The following MGAT4D variants were observed in gnomAD, a reference collection of about 807,000 sequenced individuals.
MGAT4D encodes alpha-1,3-mannosyl-glycoprotein 4-beta-N-acetylglucosaminyltransferase-like protein MGAT4D.
A neutral mutation model predicts 15.9 loss-of-function variants in MGAT4D; 34 were observed. That is an observed-to-expected ratio of 2.14 (90% CI 1.62 to 2.84). MGAT4D has a LOEUF of 2.84. Ranked by LOEUF, MGAT4D falls within the 30% of genes most tolerant of loss-of-function variation. The pLI is 0.00. For missense variants in MGAT4D, 327 were observed against 140.2 expected (o/e 2.33, Z -6.73); for synonymous variants, 112 against 48.2 (o/e 2.33, Z -5.49).
chr4:140,497,049 T>TTTGAATG (rs1733882953), intron 1 of MGAT4D, among the ~76,000 whole-genome samples: 1 of 152,148 alleles, frequency 6.6e-6, no homozygotes, highest in Non-Finnish European at 1.5e-5. Flanking sequence ...GCATTCCTAA[T>TTTGAATG]CTTTGAAACA....
At chr4:140,480,300 T>C (rs1202568173) in intron 2 of MGAT4D, among the ~76,000 whole-genome samples, 1 of 152,170 alleles carries the variant, frequency 6.6e-6, no homozygotes, top group Admixed American at 6.5e-5. Flanking sequence ...AAACTGAACA[T>C]TGACTTGTTT....
chr4:140,450,712 C>T (rs1042615514), intron 10 of MGAT4D, among the ~76,000 whole-genome samples: 1 of 152,162 alleles, frequency 6.6e-6, no homozygotes, highest in South Asian at 2.1e-4. Flanking sequence ...AGTGTAAAGA[C>T]ACTAAGGGTA....
rs772993140 is a variant in MGAT4D, at chr4:140,456,647, A to C, written c.950T>G (p.Ile317Arg). The C allele has an allele frequency of 1.4e-6, 1 of 699,298 alleles. No homozygotes were observed. The highest frequency in any genetic ancestry group is 1.5e-5 in the South Asian group (1 of 66,910). 43.3% of individuals were successfully genotyped at this position (699,298 alleles called of 1,614,324 possible). Residue 317 changes from isoleucine to arginine, a missense_variant, in exon 9 of 11, where the codon ATA becomes AGA. Physicochemically the swap from Ile to Arg is moderately conservative, Grantham distance 97 (BLOSUM62 -3). Transcript: ENST00000511113. Reference sequence around the variant, plus strand: ...AAAAATGTCATTCAAGAGCCAGTCTATGGGTTTCTCTTTGTAGAACATTAA... The same window carrying C: ...AAAAATGTCATTCAAGAGCCAGTCTCTGGGTTTCTCTTTGTAGAACATTAA... ...FFLMFYKEKP[I>R]DWLLNDIFQV... is the part of the protein sequence containing the mutation.
chr4:140,497,455 G>C (rs974844442), intron 1 of MGAT4D, among the ~76,000 whole-genome samples: 3 of 152,152 alleles, frequency 2.0e-5, no homozygotes, highest in Admixed American at 2.0e-4. Flanking sequence ...TTGTTTATCT[G>C]AAATTGAAAT....
At chr4:140,445,959 T>C (rs1382762880) in intron 10 of MGAT4D, among the ~76,000 whole-genome samples, 1 of 152,196 alleles carries the variant, frequency 6.6e-6, no homozygotes, top group South Asian at 2.1e-4. Flanking sequence ...GTTTATGAGA[T>C]GAATCACATT....
intron 7 of MGAT4D, among the ~76,000 whole-genome samples, chr4:140,461,156 G>A (rs1462637729): frequency 6.6e-6 from 1 of 152,220 alleles, no homozygotes; most frequent in East Asian, 1.9e-4. Flanking sequence ...GGCACACTAT[G>A]AGGACACAGA....
intron 1 of MGAT4D, among the ~76,000 whole-genome samples, chr4:140,495,339 C>T (rs1225378136): frequency 6.6e-6 from 1 of 152,230 alleles, no homozygotes; most frequent in African/African-American, 2.4e-5. Context: ...ACCCTGCCAA[C>T]ACCTGATATC....
chr4:140,484,913 G>A (rs1025839033), intron 1 of MGAT4D, among the ~76,000 whole-genome samples: 2 of 152,226 alleles, frequency 1.3e-5, no homozygotes, highest in Admixed American at 6.5e-5. Context: ...CAGTGCTGGA[G>A]AGGATGTGGA....
chr4:140,451,562 G>A, intron 9 of MGAT4D, 45 bp from the exon 10 acceptor site: 1 of 490,230 alleles, frequency 2.0e-6, no homozygotes, highest in Non-Finnish European at 3.7e-6. Flanking sequence ...CCCAGGTATT[G>A]CTTTGTATTG....
intron 7 of MGAT4D, among the ~76,000 whole-genome samples, chr4:140,460,680 A>C (rs1731116206): frequency 6.6e-6 from 1 of 152,182 alleles, no homozygotes; most frequent in Non-Finnish European, 1.5e-5. Flanking sequence ...TATAAAAACT[A>C]CAAAAAATTA....
At chr4:140,477,001 A>G (rs1160643370) in intron 3 of MGAT4D, among the ~76,000 whole-genome samples, 2 of 152,204 alleles carry the variant, frequency 1.3e-5, no homozygotes, top group Non-Finnish European at 2.9e-5. Flanking sequence ...TTGAAATTGA[A>G]TAAATAATAA....
chr4:140,497,922 G>T (rs1010040782), intron 1 of MGAT4D, among the ~76,000 whole-genome samples: 1 of 152,174 alleles, frequency 6.6e-6, no homozygotes, highest in Non-Finnish European at 1.5e-5. Flanking sequence ...GGAGGAGGTC[G>T]GGGCGCGGGT....
At chr4:140,453,688 T>C (rs559659880) in intron 9 of MGAT4D, among the ~76,000 whole-genome samples, 11 of 151,962 alleles carry the variant, frequency 7.2e-5, no homozygotes, top group African/African-American at 2.7e-4. Flanking sequence ...TCTCATGAGA[T>C]CTAATGGTTT....
At chr4:140,493,129 T>A (rs1733610071) in intron 1 of MGAT4D, among the ~76,000 whole-genome samples, 1 of 152,116 alleles carries the variant, frequency 6.6e-6, no homozygotes, top group Admixed American at 6.6e-5. Context: ...AATACATAGG[T>A]AAGTTCCGCA....
Position 140,479,543 on chromosome 4 carries a change from C to G in MGAT4D, c.338G>C (p.Arg113Thr), listed in dbSNP as rs1732557388. 1 of 554,476 alleles carries G rather than the reference C, an allele frequency of 1.8e-6. No homozygotes were observed. Among genetic ancestry groups the G allele is most frequent in the Non-Finnish European group, 3.2e-6 (1 of 313,408 alleles). 34.3% of individuals were successfully genotyped at this position (554,476 alleles called of 1,614,324 possible). A position where few individuals can be genotyped will look rare whatever the true frequency, so the allele number is the denominator to read the frequency against. ...ATCAGGATAAATTCTACCTTCTTTC[C>G]TTAGATGAGGAAAAAAGAACTTTAA... ...EDLKFFFPHLRKEGRIYPDVI... is the reference protein window; with the variant it reads ...EDLKFFFPHLTKEGRIYPDVI... The change falls in exon 3 of 11, where the codon AGG becomes ACG. Residue 113 changes from arginine (R) to threonine (T), a missense_variant. Arg to Thr is a moderately conservative substitution (Grantham distance 71). Coordinates refer to ENST00000511113, the MANE Select transcript of MGAT4D (RefSeq NM_001277353.2).
At chr4:140,474,715 A>G in intron 4 of MGAT4D, 98 bp downstream of exon 4, 1 of 429,560 alleles carries the variant, frequency 2.3e-6, no homozygotes, top group East Asian at 3.5e-5. Flanking sequence ...AATTAAGAAA[A>G]CAGTTTTCAA....
At chr4:140,484,397 A>G (rs77395310) in intron 1 of MGAT4D, among the ~76,000 whole-genome samples, 8,072 of 152,224 alleles carry the variant, frequency 0.053, 278 homozygotes, top group Middle Eastern at 0.088. Flanking sequence ...ATGGAGAGAA[A>G]GAAACTCTTG....
At chr4:140,472,649 A>G (rs1175498915) in intron 4 of MGAT4D, among the ~76,000 whole-genome samples, 5 of 152,302 alleles carry the variant, frequency 3.3e-5, no homozygotes, top group Non-Finnish European at 5.9e-5. Context: ...ACACTGAAAC[A>G]TATTGTATTT....
At position 140,464,907 on chromosome 4, in the gene MGAT4D, TTG is replaced by T. The variant is rs1474679743; in HGVS notation, c.673_674del (p.Gln225LysfsTer33). On this transcript the variant is annotated frameshift_variant, in exon 6 of 11. Transcript: ENST00000511113. LOFTEE classifies it high-confidence loss of function. The stretch of plus-strand genomic sequence containing the variant: ...CTAATATGACATACCTGGCTAATTT[TTG>T]TGAGGCCTCAGCTAAGTGCTTGGCA... The part of the protein sequence containing the change: ...LNAKHLAEAS[Q>X]KLASWRIKQV... 7.1e-6 allele frequency: 5 copies of T among 702,432 alleles called. No individual in the cohort carries two copies. The highest frequency in any genetic ancestry group is 1.7e-5 in the African/African-American group (1 of 57,242). The allele number at this position is 702,432 out of a possible 1,614,324, so 43.5% of individuals were successfully genotyped here.
Sources: allele counts gnomAD v4.1 joint callset (sites outside exome capture counted in the v4.1 genomes callset), GRCh38; gene constraint gnomAD v4.1.1; transcripts MANE v1.5; gene names NCBI Gene and HGNC (gene_info 2026-07-23, HGNC 2026-07-21).